The following MYLK variants were observed in gnomAD, a reference collection of about 807,000 sequenced individuals.
MYLK encodes myosin light chain kinase.
A neutral mutation model predicts 203.4 loss-of-function variants in MYLK; 106 were observed. The observed-to-expected ratio is 0.52, with a 90% CI of 0.45 to 0.61. The LOEUF (loss-of-function observed/expected upper bound fraction) is 0.61, where lower values mean the gene tolerates loss of function less well. Ranked by LOEUF, MYLK falls within the 20% of genes least tolerant of loss-of-function variation. The pLI, the probability that MYLK is intolerant of heterozygous loss-of-function variation, is 0.00. For synonymous variants in MYLK, 867 were observed against 959.5 expected, an observed-to-expected ratio of 0.90 and a Z score of 1.78; for missense variants, 2,072 against 2,442.3, an observed-to-expected ratio of 0.85 and a Z score of 3.20.
At chr3:123,822,118 T>C (rs1371902843) in intron 3 of MYLK, among the ~76,000 whole-genome samples, 1 of 152,240 alleles carries the variant, frequency 6.6e-6, no homozygotes, top group Admixed American at 6.5e-5. Context: ...AAGAAGGCCC[T>C]GGCAAGAAGC....
At chr3:123,677,898 T>TATATAC (rs2060123829) in intron 20 of MYLK, among the ~76,000 whole-genome samples, 1 of 109,480 alleles carries the variant, frequency 9.1e-6, no homozygotes, top group Non-Finnish European at 1.7e-5. Flanking sequence ...TATATATATA[T>TATATAC]ATATATATAT....
intron 18 of MYLK, among the ~76,000 whole-genome samples, chr3:123,694,162 A>G (rs560966608): frequency 6.6e-6 from 1 of 152,308 alleles, no homozygotes; most frequent in East Asian, 1.9e-4. Context: ...ACTCCTTGCC[A>G]CCAGGGTACT....
rs551140430 is a variant in MYLK, at chr3:123,612,524, G to T, written c.*1581C>A. The stretch of plus-strand genomic sequence containing the variant: ...CACAAAAGTGATAGAAAAAAGCTTT[G>T]AATGCGCTAAATCAAATAAAAACCC... On this transcript the variant is annotated 3_prime_UTR_variant, in exon 34 of 34. Coordinates refer to ENST00000360304, the MANE Select transcript of MYLK (RefSeq NM_053025.4). 28 of 152,640 alleles carry T rather than the reference G, an allele frequency of 1.8e-4. No individual in the cohort carries two copies. The highest frequency in any genetic ancestry group is 6.0e-4 in the African/African-American group (25 of 41,538). The allele number at this position is 152,640 out of a possible 1,614,324, so 9.5% of individuals were successfully genotyped here.
At chr3:123,814,965 G>A (rs2065696762) in intron 3 of MYLK, among the ~76,000 whole-genome samples, 1 of 152,180 alleles carries the variant, frequency 6.6e-6, no homozygotes, top group South Asian at 2.1e-4. Flanking sequence ...GCTAATTTTT[G>A]TATTTTTAGT....
At chr3:123,779,333 C>T (rs1431919284) in intron 4 of MYLK, among the ~76,000 whole-genome samples, 1 of 152,246 alleles carries the variant, frequency 6.6e-6, no homozygotes, top group Non-Finnish European at 1.5e-5. Flanking sequence ...TGTTCAGGTG[C>T]CTGGCTCCCC....
At chr3:123,876,812 T>G (rs2033177617) in intron 1 of MYLK, among the ~76,000 whole-genome samples, 195 bp from the exon 2 acceptor site, 1 of 152,216 alleles carries the variant, frequency 6.6e-6, no homozygotes, top group Non-Finnish European at 1.5e-5. Context: ...ATCAGCCAGT[T>G]CTGGAACCAC....
intron 4 of MYLK, among the ~76,000 whole-genome samples, chr3:123,774,343 G>T (rs9867910): frequency 6.6e-6 from 1 of 151,958 alleles, no homozygotes; most frequent in East Asian, 1.9e-4. Context: ...ACAGTCCTCC[G>T]GAGGCAGTTA....
At chr3:123,754,519 G>A (rs2063303313) in intron 4 of MYLK, among the ~76,000 whole-genome samples, 1 of 152,222 alleles carries the variant, frequency 6.6e-6, no homozygotes, top group South Asian at 2.1e-4. Flanking sequence ...CAAAAGCCAT[G>A]TGAACAATGC....
chr3:123,850,214 G>A (rs1408735566), intron 2 of MYLK, among the ~76,000 whole-genome samples: 3 of 152,294 alleles, frequency 2.0e-5, no homozygotes, highest in African/African-American at 7.2e-5. Flanking sequence ...ATGTGTGCAT[G>A]TGTCTTTATA....
At chr3:123,621,994 A>G (rs1237540427) in intron 31 of MYLK, 1 of 152,242 alleles carries the variant, frequency 6.6e-6, no homozygotes, top group African/African-American at 2.4e-5. Flanking sequence ...CTCTTCTGGG[A>G]GATGTTACTG....
intron 16 of MYLK, among the ~76,000 whole-genome samples, chr3:123,702,535 T>C (rs2061283945): frequency 6.6e-6 from 1 of 152,194 alleles, no homozygotes; most frequent in Non-Finnish European, 1.5e-5. Flanking sequence ...CTCCCACTCA[T>C]GCCCCTGGAT....
intron 20 of MYLK, among the ~76,000 whole-genome samples, chr3:123,670,812 C>G (rs1560047803): frequency 6.6e-6 from 1 of 152,200 alleles, no homozygotes; most frequent in Non-Finnish European, 1.5e-5. Context: ...TTCTCAATAG[C>G]CATAGGTGGT....
chr3:123,787,968 G>A (rs1385541853), intron 4 of MYLK, among the ~76,000 whole-genome samples: 1 of 152,186 alleles, frequency 6.6e-6, no homozygotes, highest in Non-Finnish European at 1.5e-5. Context: ...GATGGAAGAA[G>A]GGAGGGAAAG....
intron 24 of MYLK, among the ~76,000 whole-genome samples, chr3:123,649,808 A>C (rs962525742): frequency 3.3e-5 from 5 of 152,276 alleles, no homozygotes; most frequent in Non-Finnish European, 5.9e-5. Context: ...CATGGTTCAA[A>C]GTGAATACAC....
intron 2 of MYLK, among the ~76,000 whole-genome samples, chr3:123,855,405 A>G (rs549952803): frequency 1.3e-5 from 2 of 152,112 alleles, no homozygotes; most frequent in Non-Finnish European, 2.9e-5. Flanking sequence ...TCTTATTTCA[A>G]TAACTATATT....
chr3:123,725,192 A>G (rs902491432), intron 12 of MYLK, among the ~76,000 whole-genome samples: 10 of 152,204 alleles, frequency 6.6e-5, no homozygotes, highest in Non-Finnish European at 1.5e-4. Context: ...GTGGTGGAGA[A>G]GGACAAGTGC....
At position 123,752,366 on chromosome 3, in the gene MYLK, C is replaced by A. The variant is rs1036536395; in HGVS notation, c.338G>T (p.Gly113Val). 2 of 1,614,032 alleles carry A rather than the reference C, an allele frequency of 1.2e-6. No homozygotes were observed. Among genetic ancestry groups the A allele is most frequent in the African/African-American group, 1.3e-5 (1 of 74,912 alleles). Residue 113 changes from glycine to valine, a missense_variant, in exon 5 of 34, where the codon GGT becomes GTT. Coordinates refer to ENST00000360304, the MANE Select transcript of MYLK (RefSeq NM_053025.4). ...KYTCEATNGSGARQVTVELTV... is the reference protein window; with the variant it reads ...KYTCEATNGSVARQVTVELTV... ...CAACTCCACTGTCACCTGGCGAGCA[C>A]CACTGCCATTGGTGGCTTCACAGGT...
chr3:123,823,100 T>C (rs991412069), intron 3 of MYLK, among the ~76,000 whole-genome samples: 2 of 152,184 alleles, frequency 1.3e-5, no homozygotes, highest in African/African-American at 4.8e-5. Context: ...ATTAACATAG[T>C]TAATCACCAC....
intron 2 of MYLK, among the ~76,000 whole-genome samples, chr3:123,872,610 T>C (rs1213506079): frequency 1.3e-5 from 2 of 152,192 alleles, no homozygotes; most frequent in South Asian, 2.1e-4. Flanking sequence ...TCTTTCCTTA[T>C]ATTTGCCAGT....
Sources: allele counts gnomAD v4.1 joint callset (sites outside exome capture counted in the v4.1 genomes callset), GRCh38; gene constraint gnomAD v4.1.1; transcripts MANE v1.5; gene names NCBI Gene and HGNC (gene_info 2026-07-23, HGNC 2026-07-21).